TANC1: variants seen among roughly 807,000 people sequenced by gnomAD.
TANC1 encodes tetratricopeptide repeat, ankyrin repeat and coiled-coil containing 1.
A neutral mutation model predicts 149.7 loss-of-function variants in TANC1; 77 were observed. The observed-to-expected ratio is 0.51, with a 90% CI of 0.43 to 0.62. The LOEUF (loss-of-function observed/expected upper bound fraction) is 0.62, where lower values mean the gene tolerates loss of function less well. TANC1 is among the 20% of genes least tolerant of loss of function. TANC1 has a pLI of 0.00. For synonymous variants in TANC1, 854 were observed against 925.0 expected (o/e 0.92, Z 1.39); for missense variants, 1,985 against 2,321.8 (o/e 0.85, Z 2.98).
chr2:159,213,211 T>C (rs778280653), intron 19 of TANC1, among the ~76,000 whole-genome samples: 1 of 152,192 alleles, frequency 6.6e-6, no homozygotes, highest in Non-Finnish European at 1.5e-5. Context: ...AAAAGGCATA[T>C]TTTGGGGTGG....
At chr2:159,085,677 G>A (rs2044759503) in intron 3 of TANC1, among the ~76,000 whole-genome samples, 1 of 152,140 alleles carries the variant, frequency 6.6e-6, no homozygotes, top group Non-Finnish European at 1.5e-5. Context: ...CATGGCAAGG[G>A]AGGAGGTGCC....
intron 4 of TANC1, among the ~76,000 whole-genome samples, chr2:159,110,933 G>C (rs867232428): frequency 6.6e-6 from 1 of 152,310 alleles, no homozygotes; most frequent in South Asian, 2.1e-4. Flanking sequence ...CTGGGAATAG[G>C]ACATGAAAGT....
At chr2:159,030,251 G>A (rs1302837219) in intron 2 of TANC1, among the ~76,000 whole-genome samples, 1 of 152,078 alleles carries the variant, frequency 6.6e-6, no homozygotes, top group South Asian at 2.1e-4. Context: ...GTCTTTCTAC[G>A]GAATGGTGGT....
At chr2:159,157,414 G>A (rs372472174) in intron 7 of TANC1, among the ~76,000 whole-genome samples, 1 of 152,206 alleles carries the variant, frequency 6.6e-6, no homozygotes, top group Non-Finnish European at 1.5e-5. Context: ...CATTGTGCAG[G>A]CTTTCCCTTA....
chr2:159,219,409 G>A, intron 21 of TANC1, 48 bp downstream of exon 21: 1 of 1,611,550 alleles, frequency 6.2e-7, no homozygotes. Flanking sequence ...GACACAGAGA[G>A]AACTTCAGCA....
intron 2 of TANC1, among the ~76,000 whole-genome samples, chr2:159,034,520 T>A (rs1174340929): frequency 1.2e-4 from 19 of 152,198 alleles, no homozygotes; most frequent in Admixed American, 1.2e-3. Flanking sequence ...TCAGAATTTT[T>A]AAAGCTACCT....
Position 159,163,431 on chromosome 2 carries a change from C to A in TANC1, c.831C>A (p.Thr277=), listed in dbSNP as rs766655167. ...DNCSPVAEEE[T]TGSAESTLPK... ...GCTCCCCAGTGGCAGAAGAGGAGAC[C>A]ACCGGGTCAGCAGAGAGCACGCTGC... Residue 277 remains threonine (T), a synonymous_variant, in exon 8 of 27, where the codon ACC becomes ACA. Transcript: ENST00000263635. The A allele has an allele frequency of 1.2e-6, 2 of 1,614,056 alleles. No homozygotes were observed. Among genetic ancestry groups the A allele is most frequent in the Non-Finnish European group, 1.7e-6 (2 of 1,180,046 alleles).
intron 16 of TANC1, among the ~76,000 whole-genome samples, chr2:159,192,837 C>T (rs1284371582): frequency 5.9e-5 from 9 of 152,036 alleles, no homozygotes; most frequent in East Asian, 1.9e-4. Context: ...TTAGTAGACA[C>T]GGGGTTTTCA....
intron 4 of TANC1, among the ~76,000 whole-genome samples, chr2:159,132,888 G>C (rs1334700674): frequency 2.6e-5 from 4 of 152,070 alleles, no homozygotes. Flanking sequence ...TTAGGGGTTG[G>C]ATCTGAATAG....
chr2:159,044,453 G>T (rs550612617), intron 2 of TANC1, among the ~76,000 whole-genome samples: 1 of 152,000 alleles, frequency 6.6e-6, no homozygotes, highest in African/African-American at 2.4e-5. Context: ...TATTTCAAGA[G>T]GTTTGGCGAG....
Position 159,186,945 on chromosome 2 carries a change from C to T in TANC1, c.2663C>T (p.Ala888Val). The T allele has an allele frequency of 6.2e-7, 1 of 1,614,200 alleles. No homozygotes were observed. Among genetic ancestry groups the T allele is most frequent in the Non-Finnish European group, 8.5e-7 (1 of 1,180,006 alleles). ...KTGISSSHLQ[A>V]LWIGYSTEGL... Reference sequence around the variant, plus strand: ...GGAATTTCTTCAAGCCATCTCCAAGCCCTGTGGATCGGCTACAGCACCGAG... The same window carrying T: ...GGAATTTCTTCAAGCCATCTCCAAGTCCTGTGGATCGGCTACAGCACCGAG... Residue 888 changes from alanine to valine, a missense_variant, in exon 16 of 27, where the codon GCC becomes GTC. Ala to Val is a moderately conservative substitution (Grantham distance 64). Around this residue, in one of 3 missense-constraint regions of TANC1, gnomAD observed 508 missense variants for 714.2 expected, o/e 0.71. Coordinates refer to ENST00000263635, the MANE Select transcript of TANC1 (RefSeq NM_033394.3).
chr2:159,063,170 C>T (rs1170292522), intron 2 of TANC1, among the ~76,000 whole-genome samples: 1 of 151,998 alleles, frequency 6.6e-6, no homozygotes, highest in Non-Finnish European at 1.5e-5. Flanking sequence ...TCAGTGTGAA[C>T]AGAACCAGAA....
chr2:159,191,761 A>G (rs1049579257), intron 16 of TANC1, among the ~76,000 whole-genome samples: 16 of 152,174 alleles, frequency 1.1e-4, no homozygotes, highest in African/African-American at 3.6e-4. Flanking sequence ...ACTCTTGTGG[A>G]CATCTATCAC....
chr2:159,168,296 T>G (rs1040653958), intron 8 of TANC1, among the ~76,000 whole-genome samples: 25 of 118,192 alleles, frequency 2.1e-4, no homozygotes, highest in African/African-American at 6.2e-4. Context: ...GAATAGATCT[T>G]TAATTTTTTT....
chr2:159,159,406 C>T (rs1309492911), intron 7 of TANC1, among the ~76,000 whole-genome samples: 4 of 149,604 alleles, frequency 2.7e-5, no homozygotes, highest in African/African-American at 9.9e-5. Context: ...CACCACTGCA[C>T]TCCAGCCTGG....
intron 2 of TANC1, among the ~76,000 whole-genome samples, chr2:159,053,418 G>C (rs2041620117): frequency 6.6e-6 from 1 of 152,246 alleles, no homozygotes; most frequent in Non-Finnish European, 1.5e-5. Flanking sequence ...GGAGAGCGCA[G>C]TGATGCATAT....
intron 4 of TANC1, among the ~76,000 whole-genome samples, chr2:159,098,213 T>A (rs1396371647): frequency 6.6e-6 from 1 of 152,198 alleles, no homozygotes; most frequent in African/African-American, 2.4e-5. Context: ...GTTATAATAC[T>A]GTGTTTTTAC....
chr2:159,153,332 C>T (rs865976050), intron 7 of TANC1, among the ~76,000 whole-genome samples: 1 of 152,228 alleles, frequency 6.6e-6, no homozygotes, highest in Non-Finnish European at 1.5e-5. Context: ...TCTGCTCAAG[C>T]CAACATTTTC....
intron 3 of TANC1, among the ~76,000 whole-genome samples, chr2:159,093,818 G>A (rs1354192424): frequency 3.3e-5 from 5 of 151,998 alleles, no homozygotes; most frequent in African/African-American, 4.8e-5. Flanking sequence ...TGCTCCAAAG[G>A]CTGAAGGTCC....
Sources: allele counts gnomAD v4.1 joint callset (sites outside exome capture counted in the v4.1 genomes callset), GRCh38; gene constraint gnomAD v4.1.1; regional missense constraint gnomAD v4.1.1; transcripts MANE v1.5; gene names NCBI Gene and HGNC (gene_info 2026-07-23, HGNC 2026-07-21).